The following IL1RAPL1 variants were observed in gnomAD, a reference collection of about 807,000 sequenced individuals.
The protein encoded by IL1RAPL1 is interleukin 1 receptor accessory protein like 1.
In IL1RAPL1, 3 loss-of-function variants were observed where a neutral mutation model predicts 48.4. The observed-to-expected ratio is 0.06, with a 90% CI of 0.03 to 0.16. The LOEUF (loss-of-function observed/expected upper bound fraction) is 0.16, where lower values mean the gene tolerates loss of function less well. Among genes scored for constraint, IL1RAPL1 ranks in the 10% least tolerant of loss-of-function variants. IL1RAPL1 has a pLI of 1.00. For missense variants in IL1RAPL1, 349 were observed against 530.6 expected (o/e 0.66, Z 3.36); for synonymous variants, 185 against 187.7 (o/e 0.99, Z 0.12).
In IL1RAPL1 at chrX:28,744,028, G is replaced by T. The variant is rs1031052388; in HGVS notation, c.-24-45292G>T. 1.3e-4 allele frequency among the ~76,000 whole-genome samples: 14 copies of T among 110,443 alleles called. No individual in the cohort carries two copies. In the Admixed American group the frequency reaches 1.3e-3, roughly 10 times the overall value. On this transcript the variant is annotated intron_variant, in intron 1 of 10. Coordinates refer to ENST00000378993, the MANE Select transcript of IL1RAPL1 (RefSeq NM_014271.4). ...TTCTAAGTATCAAAAATATTTACTAGATCCTTATCATTTATATTTTTGTTT... is the reference window on the plus strand; with the variant it reads ...TTCTAAGTATCAAAAATATTTACTATATCCTTATCATTTATATTTTTGTTT...
At chrX:29,614,473 T>A (rs1219474540) in intron 5 of IL1RAPL1, among the ~76,000 whole-genome samples, 1 of 112,723 alleles carries the variant, frequency 8.9e-6, no homozygotes, top group Non-Finnish European at 1.9e-5. Context: ...TAAAATGCTG[T>A]AAACTAACTC....
chrX:29,412,834 T>C (rs1275472908), intron 5 of IL1RAPL1, among the ~76,000 whole-genome samples: 2 of 112,160 alleles, frequency 1.8e-5, no homozygotes, highest in African/African-American at 6.5e-5. Flanking sequence ...AGACTGTGAA[T>C]AGTCATCACT....
At chrX:29,606,797 A>G (rs941467288) in intron 5 of IL1RAPL1, among the ~76,000 whole-genome samples, 2 of 111,298 alleles carry the variant, frequency 1.8e-5, no homozygotes, top group Non-Finnish European at 3.8e-5. Context: ...CATGTAATGA[A>G]TGATGGCACA....
At chrX:29,479,431 A>AAAAAAAAAAAAAAAAAAAAAT (rs1384814024) in intron 5 of IL1RAPL1, among the ~76,000 whole-genome samples, 5 of 105,893 alleles carry the variant, frequency 4.7e-5, no homozygotes, top group African/African-American at 1.7e-4. Flanking sequence ...AAAAAAAAAA[A>AAAAAAAAAAAAAAAAAAAAAT]TTAGCATTGT....
chrX:29,455,851 G>A (rs1934732925), intron 5 of IL1RAPL1, among the ~76,000 whole-genome samples: 1 of 110,225 alleles, frequency 9.1e-6, no homozygotes, highest in Non-Finnish European at 1.9e-5. Flanking sequence ...AATTAAAAAC[G>A]TTAAAATTGT....
At chrX:28,627,803 G>A (rs895094102) in intron 1 of IL1RAPL1, among the ~76,000 whole-genome samples, 5 of 111,318 alleles carry the variant, frequency 4.5e-5, no homozygotes, top group African/African-American at 1.6e-4. Context: ...CTTAATGAAT[G>A]TTGGCATTCA....
chrX:29,347,465 T>C (rs918942605), intron 3 of IL1RAPL1, among the ~76,000 whole-genome samples: 5 of 105,738 alleles, frequency 4.7e-5, no homozygotes, highest in South Asian at 4.4e-4. Context: ...GATGGCTCAC[T>C]ACAGCCTCAA....
At chrX:29,593,974 T>A (rs1331780081) in intron 5 of IL1RAPL1, among the ~76,000 whole-genome samples, 1 of 112,300 alleles carries the variant, frequency 8.9e-6, no homozygotes, top group East Asian at 2.8e-4. Flanking sequence ...TTTCCCTCTC[T>A]ACTAATTTTG....
chrX:28,814,204 G>C (rs1410981032), intron 2 of IL1RAPL1, among the ~76,000 whole-genome samples: 1 of 110,832 alleles, frequency 9.0e-6, no homozygotes, highest in Non-Finnish European at 1.9e-5. Flanking sequence ...GTTGAGCTGT[G>C]TGGAAGGTTG....
At position 29,900,142 on chromosome X, in the gene IL1RAPL1, A is replaced by C. The variant is rs539232385; in HGVS notation, c.779-17322A>C. ...AAGCAGTTAACACTGAGTACTTCTA[A>C]TATAATGGCGACTAACAAAAATCCT... On this transcript the variant is annotated intron_variant, in intron 6 of 10. Coordinates refer to ENST00000378993, the MANE Select transcript of IL1RAPL1 (RefSeq NM_014271.4). Among the ~76,000 whole-genome samples, 3 of 111,907 alleles carry C rather than the reference A, an allele frequency of 2.7e-5. No individual in the cohort carries two copies. In the South Asian group the frequency reaches 1.1e-3, roughly 42 times the overall value.
intron 6 of IL1RAPL1, among the ~76,000 whole-genome samples, chrX:29,855,289 T>G (rs1315191014): frequency 1.8e-5 from 2 of 112,364 alleles, no homozygotes; most frequent in Non-Finnish European, 3.8e-5. Context: ...AATTCATCTA[T>G]GGAAACATGT....
chrX:29,137,833 G>A (rs753745460), intron 2 of IL1RAPL1, among the ~76,000 whole-genome samples: 16 of 112,473 alleles, frequency 1.4e-4, no homozygotes, highest in African/African-American at 4.5e-4. Context: ...TAAAATATAA[G>A]ATGATAAAGT....
intron 5 of IL1RAPL1, among the ~76,000 whole-genome samples, chrX:29,431,587 A>T (rs1473876618): frequency 8.9e-6 from 1 of 111,889 alleles, no homozygotes; most frequent in Non-Finnish European, 1.9e-5. Context: ...GGTTCATATT[A>T]TCTAAGTATA....
At chrX:29,067,678 C>A (rs1927479540) in intron 2 of IL1RAPL1, among the ~76,000 whole-genome samples, 1 of 111,675 alleles carries the variant, frequency 9.0e-6, no homozygotes, top group Admixed American at 9.6e-5. Context: ...CTGGCTTCAT[C>A]ACTAAGAGAT....
intron 2 of IL1RAPL1, among the ~76,000 whole-genome samples, chrX:28,927,385 C>A (rs774823378): frequency 1.2e-4 from 13 of 111,764 alleles, no homozygotes; most frequent in Non-Finnish European, 2.3e-4. Context: ...TAAATATGTT[C>A]TGCTGTTTTC....
intron 3 of IL1RAPL1, among the ~76,000 whole-genome samples, chrX:29,326,384 T>C (rs765162583): frequency 8.9e-6 from 1 of 112,466 alleles, no homozygotes; most frequent in East Asian, 2.8e-4. Context: ...AAGTTTCTTA[T>C]TGAATTTGAA....
intron 5 of IL1RAPL1, among the ~76,000 whole-genome samples, chrX:29,599,123 A>G (rs1047698426): frequency 3.6e-5 from 4 of 111,537 alleles, no homozygotes; most frequent in African/African-American, 1.3e-4. Flanking sequence ...TGTTATTGTT[A>G]TATCGGTCAT....
At chrX:28,710,415 A>G (rs910359706) in intron 1 of IL1RAPL1, among the ~76,000 whole-genome samples, 2 of 110,676 alleles carry the variant, frequency 1.8e-5, no homozygotes, top group African/African-American at 6.6e-5. Flanking sequence ...AGACTCATTG[A>G]GTAGGTGAGA....
At chrX:29,170,449 G>A (rs1569251329) in intron 2 of IL1RAPL1, among the ~76,000 whole-genome samples, 3 of 111,687 alleles carry the variant, frequency 2.7e-5, no homozygotes, top group South Asian at 3.7e-4. Flanking sequence ...AGATGAAGGC[G>A]AGTATTTGAG....
Sources: gnomAD v4.1 joint callset for allele counts (sites outside exome capture counted in the v4.1 genomes callset) on GRCh38, gnomAD v4.1.1 for gene constraint, MANE v1.5 for transcripts, NCBI Gene and HGNC (gene_info 2026-07-23, HGNC 2026-07-21) for gene names.